Variants in SGCG observed in about 807,000 individuals in gnomAD.
SGCG encodes the protein sarcoglycan gamma.
In SGCG, 26 loss-of-function variants were observed where a neutral mutation model predicts 29.3. The ratio of observed to expected loss-of-function variants is 0.89; its 90% CI spans 0.65 to 1.23. The LOEUF is 1.23. Among genes scored for constraint, SGCG ranks in the 50% most tolerant of loss-of-function variants. The pLI is 0.00. For missense variants in SGCG, 353 were observed against 356.0 expected (o/e 0.99, Z 0.07); for synonymous variants, 145 against 129.7 (o/e 1.12, Z -0.80).
intron 2 of SGCG, among the ~76,000 whole-genome samples, chr13:23,224,609 C>T (rs768503961): frequency 7.3e-5 from 11 of 151,642 alleles, no homozygotes. Context: ...TGGGCAAATG[C>T]ATCAGAATGG....
chr13:23,294,273 A>G (rs1401538150), intron 5 of SGCG, among the ~76,000 whole-genome samples: 1 of 152,208 alleles, frequency 6.6e-6, no homozygotes, highest in Non-Finnish European at 1.5e-5. Flanking sequence ...TATATAAGCA[A>G]TGTGGTGCTG....
At chr13:23,196,370 C>A (rs555766949) in intron 1 of SGCG, among the ~76,000 whole-genome samples, 3 of 72,138 alleles carry the variant, frequency 4.2e-5, no homozygotes, top group African/African-American at 1.7e-4. Context: ...TGCCCAATAT[C>A]TTTTGGGGGG....
the SGCG span, among the ~76,000 whole-genome samples, chr13:23,174,569 G>C: frequency 0.12 from 18,593 of 152,148 alleles, 1,190 homozygotes; most frequent in East Asian, 0.16. Context: ...TAGAATGTCA[G>C]AGACATATTT....
At chr13:23,162,547 AC>A in the SGCG span, among the ~76,000 whole-genome samples, 4 of 152,150 alleles carry the variant, frequency 2.6e-5, no homozygotes, top group African/African-American at 9.7e-5. Flanking sequence ...AATGGCGTGA[AC>A]CCGGGAGGCG....
At chr13:23,273,150 G>A (rs1419244740) in intron 4 of SGCG, among the ~76,000 whole-genome samples, 5 of 147,336 alleles carry the variant, frequency 3.4e-5, no homozygotes, top group Admixed American at 3.4e-4. Context: ...TCACTTTGTT[G>A]TTCTATTTCT....
chr13:23,308,508 G>A (rs978178900), intron 6 of SGCG, among the ~76,000 whole-genome samples: 1 of 152,088 alleles, frequency 6.6e-6, no homozygotes, highest in African/African-American at 2.4e-5. Flanking sequence ...GCTAGGGCAA[G>A]TGTCCCCACC....
chr13:23,282,223 C>G (rs994088725), intron 5 of SGCG, among the ~76,000 whole-genome samples: 2 of 152,134 alleles, frequency 1.3e-5, no homozygotes, highest in Admixed American at 1.3e-4. Flanking sequence ...TTAAAGAAAC[C>G]AAGAGATTCC....
chr13:23,321,097 G>A (rs1005802846), intron 7 of SGCG, among the ~76,000 whole-genome samples: 1 of 151,958 alleles, frequency 6.6e-6, no homozygotes, highest in African/African-American at 2.4e-5. Context: ...ATTTCCTAGG[G>A]ATGGCTGTCA....
chr13:23,265,303 G>A (rs1359159088), intron 4 of SGCG, among the ~76,000 whole-genome samples: 1 of 152,174 alleles, frequency 6.6e-6, no homozygotes, highest in East Asian at 1.9e-4. Context: ...AAGGGGCCGG[G>A]CACAGTGGCT....
At chr13:23,234,962 G>T (rs745757217) in intron 3 of SGCG, among the ~76,000 whole-genome samples, 15 of 152,184 alleles carry the variant, frequency 9.9e-5, no homozygotes, top group Non-Finnish European at 2.1e-4. Flanking sequence ...ATAAACTAAA[G>T]GTTTTAGAAA....
chr13:23,171,453 A>G, the SGCG span, among the ~76,000 whole-genome samples: 504 of 152,310 alleles, frequency 3.3e-3, 2 homozygotes, highest in African/African-American at 0.012. Context: ...AAGATAGAGA[A>G]CAGAAGATTT....
intron 4 of SGCG, among the ~76,000 whole-genome samples, chr13:23,269,941 C>T (rs1268692033): frequency 6.9e-6 from 1 of 144,354 alleles, no homozygotes; most frequent in East Asian, 2.1e-4. Flanking sequence ...GTGGCGCAGT[C>T]TTAGCTCACT....
chr13:23,246,094 AG>A, intron 3 of SGCG: 1 of 152,576 alleles, frequency 6.6e-6, no homozygotes, highest in Non-Finnish European at 1.4e-5. Context: ...CAGCAGCAGC[AG>A]CAACAACAAC....
intron 3 of SGCG, 133 bp from the exon 4 acceptor site, chr13:23,250,497 A>G (rs1403541269): frequency 6.2e-6 from 4 of 643,666 alleles, no homozygotes; most frequent in Non-Finnish European, 1.1e-5. Context: ...TCTTAGCCAC[A>G]AATTTATAGG....
chr13:23,221,293 G>A (rs1207951342), intron 2 of SGCG, among the ~76,000 whole-genome samples: 4 of 152,170 alleles, frequency 2.6e-5, no homozygotes, highest in Non-Finnish European at 4.4e-5. Flanking sequence ...CCTAGGAATT[G>A]TTGGTGTGAA....
intron 5 of SGCG, among the ~76,000 whole-genome samples, chr13:23,292,650 G>A (rs1881760423): frequency 6.9e-6 from 1 of 145,402 alleles, no homozygotes; most frequent in East Asian, 2.2e-4. Flanking sequence ...TTTTTTCTCA[G>A]TCATAATATC....
At chr13:23,196,563 C>T (rs1351962441) in intron 1 of SGCG, among the ~76,000 whole-genome samples, 8 of 152,110 alleles carry the variant, frequency 5.3e-5, no homozygotes, top group South Asian at 2.1e-4. Context: ...TATGTTTATT[C>T]GTCACGTGTA....
chr13:23,306,859 A>C (rs1195435855), intron 6 of SGCG, among the ~76,000 whole-genome samples: 1 of 152,266 alleles, frequency 6.6e-6, no homozygotes, highest in Non-Finnish European at 1.5e-5. Context: ...CAGTAACAGA[A>C]GAGCACAGTC....
chr13:23,287,029 A>C (rs907389949), intron 5 of SGCG, among the ~76,000 whole-genome samples: 1 of 152,220 alleles, frequency 6.6e-6, no homozygotes, highest in Non-Finnish European at 1.5e-5. Flanking sequence ...ACAATGTCCT[A>C]TTGTGCCACT....
Sources: allele counts gnomAD v4.1 joint callset (sites outside exome capture counted in the v4.1 genomes callset), GRCh38; gene constraint gnomAD v4.1.1; transcripts MANE v1.5; gene names NCBI Gene and HGNC (gene_info 2026-07-23, HGNC 2026-07-21).